The following AP3B1 variants were observed in gnomAD, a reference collection of about 807,000 sequenced individuals.
The protein encoded by AP3B1 is AP-3 complex subunit beta-1.
Under a neutral mutation model 132.5 loss-of-function variants are expected in AP3B1, and 61 were observed. The observed-to-expected ratio is 0.46, with a 90% CI of 0.37 to 0.57. The LOEUF is 0.57. Ranked by LOEUF, AP3B1 falls within the 20% of genes least tolerant of loss-of-function variation. AP3B1 has a pLI of 0.00. For missense variants in AP3B1, 1,120 were observed against 1,289.4 expected, an observed-to-expected ratio of 0.87 and a Z score of 2.01; for synonymous variants, 388 against 438.3, an observed-to-expected ratio of 0.89 and a Z score of 1.43.
intron 1 of AP3B1, among the ~76,000 whole-genome samples, chr5:78,272,329 C>A (rs1169891472): frequency 6.6e-6 from 1 of 152,196 alleles, no homozygotes; most frequent in Non-Finnish European, 1.5e-5. Flanking sequence ...ACCTTGGGCA[C>A]AGGTTCTCAG....
chr5:78,243,416 A>G (rs1032065042), intron 2 of AP3B1, among the ~76,000 whole-genome samples: 1 of 152,194 alleles, frequency 6.6e-6, no homozygotes, highest in African/African-American at 2.4e-5. Flanking sequence ...AAACACCACA[A>G]TCAAATTCAC....
At chr5:78,265,396 C>T (rs2112559510) in intron 2 of AP3B1, among the ~76,000 whole-genome samples, 1 of 151,966 alleles carries the variant, frequency 6.6e-6, no homozygotes, top group Non-Finnish European at 1.5e-5. Context: ...TGTGTTACAA[C>T]TGCACAACTG....
At position 78,128,128 on chromosome 5, in the gene AP3B1, G is replaced by C. The variant is rs1561426734; in HGVS notation, c.1870C>G (p.His624Asp). Reference sequence around the variant, plus strand: ...CCAGTAGCTTTAATGTTGAGAGTATGAGATAAGGTGCCAAGCTGGAAATGA... The same window carrying C: ...CCAGTAGCTTTAATGTTGAGAGTATCAGATAAGGTGCCAAGCTGGAAATGA... ...RDHFQLGTLSHTLNIKATGYL... is the reference protein window; with the variant it reads ...RDHFQLGTLSDTLNIKATGYL... Residue 624 changes from histidine to aspartate, a missense_variant, in exon 17 of 27, where the codon CAT becomes GAT. His to Asp is a moderately conservative substitution (Grantham distance 81). Coordinates refer to ENST00000255194, the MANE Select transcript of AP3B1 (RefSeq NM_003664.5). 1 of 1,611,668 alleles carries C rather than the reference G, an allele frequency of 6.2e-7. No homozygotes were observed. The highest frequency in any genetic ancestry group is 8.5e-7 in the Non-Finnish European group (1 of 1,177,984).
At chr5:78,062,561 A>C (rs1316170724) in intron 22 of AP3B1, among the ~76,000 whole-genome samples, 1 of 152,188 alleles carries the variant, frequency 6.6e-6, no homozygotes, top group Non-Finnish European at 1.5e-5. Context: ...TTACTTAAAA[A>C]ACTCATGACA....
chr5:78,120,109 G>T (rs1752097003), intron 17 of AP3B1, among the ~76,000 whole-genome samples: 1 of 152,040 alleles, frequency 6.6e-6, no homozygotes, highest in Non-Finnish European at 1.5e-5. Context: ...AAGTGAAGGA[G>T]AAATAAAATA....
chr5:78,054,181 G>A (rs186122197), intron 22 of AP3B1, among the ~76,000 whole-genome samples: 3 of 152,262 alleles, frequency 2.0e-5, no homozygotes, highest in East Asian at 1.9e-4. Context: ...TTGAAAGGAC[G>A]AAAAACTGAA....
At chr5:78,097,644 G>C (rs1259538635) in intron 21 of AP3B1, among the ~76,000 whole-genome samples, 2 of 140,380 alleles carry the variant, frequency 1.4e-5, no homozygotes, top group East Asian at 2.0e-4. Context: ...CGCCCCGTCC[G>C]GGAGGGAGGT....
intron 7 of AP3B1, among the ~76,000 whole-genome samples, chr5:78,206,164 C>T (rs1745497540): frequency 6.6e-6 from 1 of 151,916 alleles, no homozygotes; most frequent in Non-Finnish European, 1.5e-5. Context: ...GAGAAAAGGT[C>T]CATTATTTCA....
intron 11 of AP3B1, among the ~76,000 whole-genome samples, chr5:78,167,623 T>TTA (rs141625232): frequency 1.8e-4 from 25 of 140,862 alleles, no homozygotes; most frequent in East Asian, 7.1e-4. Context: ...AAAGAACATG[T>TTA]TATATATATA....
chr5:78,131,771 CT>C (rs1752697036), intron 15 of AP3B1, among the ~76,000 whole-genome samples: 1 of 152,094 alleles, frequency 6.6e-6, no homozygotes, highest in Admixed American at 6.5e-5. Context: ...CAGTTCTTCC[CT>C]TGCCTGTACA....
At chr5:78,134,516 G>A (rs1389857686) in intron 15 of AP3B1, among the ~76,000 whole-genome samples, 2 of 151,994 alleles carry the variant, frequency 1.3e-5, no homozygotes, top group Non-Finnish European at 2.9e-5. Flanking sequence ...AAGCAGTACC[G>A]TTGTTCCATC....
chr5:78,029,717 G>T (rs1254631919), intron 24 of AP3B1, among the ~76,000 whole-genome samples: 1 of 152,080 alleles, frequency 6.6e-6, no homozygotes, highest in African/African-American at 2.4e-5. Flanking sequence ...GGCCAGGCTG[G>T]TCTTGAACTC....
In AP3B1 at chr5:78,214,640, T is replaced by C. The variant is rs916980788; in HGVS notation, c.786+1415A>G. ...TCTGAGCAGAAGTTTTGAAAGGAATTGGCTGAAATCAAACAAATAAGCTGT... is the reference window on the plus strand; with the variant it reads ...TCTGAGCAGAAGTTTTGAAAGGAATCGGCTGAAATCAAACAAATAAGCTGT... On this transcript the variant is annotated intron_variant, in intron 7 of 26. Transcript: ENST00000255194. 2.2e-4 allele frequency among the ~76,000 whole-genome samples: 34 copies of C among 152,268 alleles called. 1 individual carries two copies. The highest frequency in any genetic ancestry group is 8.2e-4 in the African/African-American group (34 of 41,574).
intron 1 of AP3B1, among the ~76,000 whole-genome samples, chr5:78,275,323 C>CTG (rs1330509145): frequency 6.6e-6 from 1 of 152,120 alleles, no homozygotes; most frequent in Non-Finnish European, 1.5e-5. Flanking sequence ...CAAATAAAAG[C>CTG]TGAAGATCTG....
At chr5:78,193,743 T>TA (rs1561469438) in intron 7 of AP3B1, among the ~76,000 whole-genome samples, 899 of 49,552 alleles carry the variant, frequency 0.018, 13 homozygotes, top group South Asian at 0.028. Context: ...TATATATTTT[T>TA]TTATATATAT....
intron 7 of AP3B1, among the ~76,000 whole-genome samples, chr5:78,195,917 CA>C (rs1279426658): frequency 6.6e-6 from 1 of 152,106 alleles, no homozygotes; most frequent in African/African-American, 2.4e-5. Flanking sequence ...ATGTAAAACA[CA>C]AAACTATAAA....
chr5:78,099,838 G>A (rs890360624), intron 21 of AP3B1, among the ~76,000 whole-genome samples: 2 of 151,780 alleles, frequency 1.3e-5, no homozygotes, highest in African/African-American at 2.4e-5. Flanking sequence ...GCAGTGAGCC[G>A]AGGTAGTGCC....
At chr5:78,174,116 G>C (rs539927706) in intron 11 of AP3B1, among the ~76,000 whole-genome samples, 11 of 152,232 alleles carry the variant, frequency 7.2e-5, no homozygotes, top group African/African-American at 2.6e-4. Context: ...CCTTCCTTGA[G>C]ATGGGTTTGA....
At chr5:78,160,998 A>AG (rs1743365413) in intron 13 of AP3B1, among the ~76,000 whole-genome samples, 1 of 151,258 alleles carries the variant, frequency 6.6e-6, no homozygotes, top group Non-Finnish European at 1.5e-5. Context: ...TTCACACTGC[A>AG]GGAAAAAAAA....
Sources: gnomAD v4.1 joint callset for allele counts (sites outside exome capture counted in the v4.1 genomes callset) on GRCh38, gnomAD v4.1.1 for gene constraint, MANE v1.5 for transcripts, NCBI Gene and HGNC (gene_info 2026-07-23, HGNC 2026-07-21) for gene names.